The following IQCK variants were observed in gnomAD, a reference collection of about 807,000 sequenced individuals.
IQCK encodes the protein IQ motif containing K.
A neutral mutation model predicts 28.1 loss-of-function variants in IQCK; 29 were observed. The observed-to-expected ratio is 1.03, with a 90% confidence interval of 0.77 to 1.41. The LOEUF is 1.41. IQCK is among the 40% of genes most tolerant of loss of function. IQCK has a pLI of 0.00. For synonymous variants in IQCK, 113 were observed against 115.1 expected (o/e 0.98, Z 0.12); for missense variants, 359 against 314.7 (o/e 1.14, Z -1.07).
At position 19,767,787 on chromosome 16, in the gene IQCK, G is replaced by A. The variant is rs146232031; in HGVS notation, c.605+3675G>A. On this transcript the variant is annotated intron_variant, in intron 6 of 7. Transcript: ENST00000564186. ...CAGGGACCACGCCCTCCTCTACGGAGCACTTCCCCTACCCCCTTCTTCCCT... is the reference window on the plus strand; with the variant it reads ...CAGGGACCACGCCCTCCTCTACGGAACACTTCCCCTACCCCCTTCTTCCCT... Among the ~76,000 whole-genome samples, 458 of 152,104 alleles carry A rather than the reference G, an allele frequency of 3.0e-3. 3 individuals carry two copies. The East Asian group carries it at 0.038, about 13-fold the overall frequency.
At chr16:19,767,173 G>A (rs1008915929) in intron 6 of IQCK, among the ~76,000 whole-genome samples, 15 of 152,174 alleles carry the variant, frequency 9.9e-5, no homozygotes, top group African/African-American at 3.4e-4. Flanking sequence ...GTGTCTATAG[G>A]TGAATTTACA....
chr16:19,832,753 G>T (rs907693508), intron 9 of IQCK, among the ~76,000 whole-genome samples: 4 of 152,166 alleles, frequency 2.6e-5, no homozygotes, highest in African/African-American at 9.7e-5. Context: ...GTTCTGCATG[G>T]CTGGGAGGTC....
chr16:19,818,820 G>A (rs2056024970), intron 7 of IQCK, among the ~76,000 whole-genome samples: 1 of 152,080 alleles, frequency 6.6e-6, no homozygotes, highest in East Asian at 1.9e-4. Context: ...CAGTTGAATG[G>A]TTTTCTTAAA....
chr16:19,751,112 AAT>A (rs1453188783), intron 4 of IQCK, among the ~76,000 whole-genome samples: 2 of 152,056 alleles, frequency 1.3e-5, no homozygotes, highest in East Asian at 3.9e-4. Flanking sequence ...GGGAAGTGAT[AAT>A]CATAGTACCC....
chr16:19,762,761 T>C (rs941806817), intron 4 of IQCK, among the ~76,000 whole-genome samples: 1 of 152,144 alleles, frequency 6.6e-6, no homozygotes, highest in Non-Finnish European at 1.5e-5. Flanking sequence ...ACACCTGTAA[T>C]CCCAGCACTT....
intron 9 of IQCK, among the ~76,000 whole-genome samples, chr16:19,853,074 C>T (rs1362440542): frequency 1.3e-5 from 2 of 152,122 alleles, no homozygotes; most frequent in African/African-American, 4.8e-5. Flanking sequence ...TTTGCTATCA[C>T]GAGCATCCTC....
At chr16:19,813,945 G>A (rs908600944) in intron 7 of IQCK, among the ~76,000 whole-genome samples, 4 of 152,102 alleles carry the variant, frequency 2.6e-5, no homozygotes, top group Admixed American at 2.6e-4. Flanking sequence ...AGGGCTGGGT[G>A]TGGTGGCTCA....
chr16:19,845,331 TG>T, intron 9 of IQCK, among the ~76,000 whole-genome samples: 1 of 152,394 alleles, frequency 6.6e-6, no homozygotes, highest in African/African-American at 2.4e-5. Context: ...ACAGAGCTTC[TG>T]CCAGTCTGAA....
At chr16:19,762,455 G>A (rs986631201) in intron 4 of IQCK, among the ~76,000 whole-genome samples, 8 of 152,146 alleles carry the variant, frequency 5.3e-5, no homozygotes, top group Admixed American at 1.3e-4. Context: ...AGTAAGCCTC[G>A]ATATGAGCAC....
chr16:19,815,566 G>A (rs1416029513), intron 7 of IQCK, among the ~76,000 whole-genome samples: 1 of 152,188 alleles, frequency 6.6e-6, no homozygotes, highest in Non-Finnish European at 1.5e-5. Flanking sequence ...AGCTAGATGG[G>A]AGGCTGAGGT....
intron 9 of IQCK, among the ~76,000 whole-genome samples, chr16:19,837,703 C>T (rs775555647): frequency 6.6e-6 from 1 of 152,182 alleles, no homozygotes; most frequent in South Asian, 2.1e-4. Flanking sequence ...AATTTATGTA[C>T]AGCAGTGGTT....
chr16:19,848,188 C>T (rs1385384883), intron 9 of IQCK, among the ~76,000 whole-genome samples: 2 of 152,166 alleles, frequency 1.3e-5, no homozygotes, highest in African/African-American at 2.4e-5. Flanking sequence ...TCATTTTAAC[C>T]ATTCTGGTGG....
At chr16:19,734,459 CAAA>C (rs34178017) in intron 3 of IQCK, among the ~76,000 whole-genome samples, 3 of 50,252 alleles carry the variant, frequency 6.0e-5, no homozygotes, top group Admixed American at 2.3e-4. Flanking sequence ...GACTCCATCA[CAAA>C]AAAAAAAAAA....
chr16:19,806,534 A>C (rs1322341411), intron 7 of IQCK, among the ~76,000 whole-genome samples: 1 of 150,742 alleles, frequency 6.6e-6, no homozygotes, highest in East Asian at 2.0e-4. Context: ...AAAAATACAA[A>C]AAAAAAATAG....
intron 4 of IQCK, among the ~76,000 whole-genome samples, chr16:19,741,931 G>A (rs2054840921): frequency 6.6e-6 from 1 of 152,160 alleles, no homozygotes; most frequent in Non-Finnish European, 1.5e-5. Context: ...AGCTTGCAGT[G>A]AGCCAAGATC....
chr16:19,857,333 A>T (rs2056574319), exon 10 of IQCK: 1 of 385,664 alleles, frequency 2.6e-6, no homozygotes, highest in Non-Finnish European at 4.9e-6. Flanking sequence ...TGTTAAGAAC[A>T]GCATTTTGAA....
chr16:19,837,764 G>A (rs1301803122), intron 9 of IQCK, among the ~76,000 whole-genome samples: 2 of 152,216 alleles, frequency 1.3e-5, no homozygotes, highest in Non-Finnish European at 2.9e-5. Flanking sequence ...TATAAGCTGT[G>A]TCAGGCTAGA....
At chr16:19,746,153 CAA>C (rs1163809152) in intron 4 of IQCK, among the ~76,000 whole-genome samples, 1,780 of 57,926 alleles carry the variant, frequency 0.031, 28 homozygotes, top group African/African-American at 0.095. Flanking sequence ...GACTATGTCT[CAA>C]AAAAAAAAAA....
chr16:19,831,769 T>G (rs1482723523), downstream of IQCK, among the ~76,000 whole-genome samples: 1 of 152,082 alleles, frequency 6.6e-6, no homozygotes, highest in Non-Finnish European at 1.5e-5. Context: ...CAAAGAGATT[T>G]TACCAAGTTC....
Sources: gnomAD v4.1 joint callset for allele counts (sites outside exome capture counted in the v4.1 genomes callset) on GRCh38, gnomAD v4.1.1 for gene constraint, MANE v1.5 for transcripts, NCBI Gene and HGNC (gene_info 2026-07-23, HGNC 2026-07-21) for gene names.